HDLBP: variants seen among roughly 807,000 people sequenced by gnomAD.
HDLBP encodes the protein vigilin.
A neutral mutation model predicts 137.3 loss-of-function variants in HDLBP; 30 were observed. That is an observed-to-expected ratio of 0.22 (90% confidence interval 0.16 to 0.30). The LOEUF (loss-of-function observed/expected upper bound fraction) is 0.30. Ranked by LOEUF, HDLBP falls within the 10% of genes least tolerant of loss-of-function variation. HDLBP has a pLI of 1.00. For missense variants in HDLBP, 1,119 were observed against 1,667.3 expected, an observed-to-expected ratio of 0.67 and a Z score of 5.73; for synonymous variants, 606 against 596.0, an observed-to-expected ratio of 1.02 and a Z score of -0.24.
intron 22 of HDLBP, 45 bp from the exon 23 acceptor site, chr2:241,235,300 C>T (rs766367984): frequency 1.2e-6 from 2 of 1,613,486 alleles, no homozygotes; most frequent in South Asian, 2.2e-5. Context: ...CCCCAGAGAA[C>T]AGGAAAGAGT....
rs1196986399 is a variant in HDLBP at position 241,255,409 on chromosome 2, T to C, written c.1045A>G (p.Lys349Glu). The C allele has an allele frequency of 6.2e-7, 1 of 1,614,072 alleles. No homozygotes were observed. The highest frequency in any genetic ancestry group is 8.5e-7 in the Non-Finnish European group (1 of 1,180,042). The change falls in exon 8 of 28, where the codon AAG becomes GAG. Residue 349 changes from lysine to glutamate, a missense_variant. Lys to Glu is a moderately conservative substitution (Grantham distance 56). This residue lies in a region of HDLBP where 425 missense variants were observed against 693.9 expected (regional missense o/e 0.61). Transcript: ENST00000310931. ...ACTTCAGTCAACGCCTGACCTAACTTTTCAGGTTCGCCTCGAAGTATTACA... is the reference window on the plus strand; with the variant it reads ...ACTTCAGTCAACGCCTGACCTAACTCTTCAGGTTCGCCTCGAAGTATTACA... Reference protein sequence around the residue: ...ETVILRGEPEKLGQALTEVYA... With the variant: ...ETVILRGEPEELGQALTEVYA...
chr2:241,253,515 A>C lies in HDLBP; in HGVS notation c.1189-18T>G. Reference sequence around the variant, plus strand: ...ATGTGAACCTACCACACCAAAACCAAAGAGATAGCTAAAACAGAATGGCAC... The same window carrying C: ...ATGTGAACCTACCACACCAAAACCACAGAGATAGCTAAAACAGAATGGCAC... On this transcript the variant is annotated intron_variant, in intron 9 of 27. Coordinates refer to ENST00000310931, the MANE Select transcript of HDLBP (RefSeq NM_005336.6). 1.9e-6 allele frequency: 3 copies of C among 1,539,210 alleles called. No homozygotes were observed. The highest frequency in any genetic ancestry group is 2.7e-6 in the Non-Finnish European group (3 of 1,111,888).
chr2:241,276,314 G>C (rs2074384669), intron 1 of HDLBP, among the ~76,000 whole-genome samples: 1 of 152,154 alleles, frequency 6.6e-6, no homozygotes, highest in South Asian at 2.1e-4. Flanking sequence ...CAATGTTCTA[G>C]ATCTTGGATT....
At position 241,240,248 on chromosome 2, in the gene HDLBP, G is replaced by A; in HGVS notation, c.2170-126C>T. 1 of 883,078 alleles carries A rather than the reference G, an allele frequency of 1.1e-6. No individual in the cohort carries two copies. Among genetic ancestry groups the A allele is most frequent in the Non-Finnish European group, 1.9e-6 (1 of 532,412 alleles). The allele number at this position is 883,078 out of a possible 1,614,324, so 54.7% of individuals were successfully genotyped here. A position where few individuals can be genotyped will look rare whatever the true frequency, so the allele number is the denominator to read the frequency against. ...ACATTGTCACCAGTGTCCTGATGTT[G>A]CACCAATACCCCCAAAATGGGGCTA... On this transcript the variant is annotated intron_variant, in intron 17 of 27. Coordinates refer to ENST00000310931, the MANE Select transcript of HDLBP (RefSeq NM_005336.6). This position sits in a 1 kb window ranked among gnomAD's most constrained non-coding sequence, Gnocchi z 5.5.
chr2:241,284,721 G>A (rs2074740537), intron 1 of HDLBP, among the ~76,000 whole-genome samples: 2 of 152,196 alleles, frequency 1.3e-5, no homozygotes, highest in African/African-American at 2.4e-5. Flanking sequence ...AAACTTCATT[G>A]TTGTCTGATT....
At chr2:241,313,377 T>A (rs62186431) in intron 1 of HDLBP, among the ~76,000 whole-genome samples, 17,400 of 152,142 alleles carry the variant, frequency 0.11, 1,229 homozygotes, top group Admixed American at 0.16. Flanking sequence ...CCTCCTGGGT[T>A]CAAGCGATTC....
intron 1 of HDLBP, among the ~76,000 whole-genome samples, chr2:241,269,758 G>A (rs1022169843): frequency 2.6e-5 from 4 of 152,122 alleles, no homozygotes; most frequent in African/African-American, 9.7e-5. Flanking sequence ...TTCACAACTC[G>A]GCAAGAGCTC....
chr2:241,312,912 G>C (rs866027158), intron 1 of HDLBP, among the ~76,000 whole-genome samples: 2 of 152,098 alleles, frequency 1.3e-5, no homozygotes, highest in African/African-American at 4.8e-5. Flanking sequence ...CTCACTGAAG[G>C]GCATCAAGTC....
intron 11 of HDLBP, among the ~76,000 whole-genome samples, chr2:241,251,389 G>T (rs2072153489): frequency 6.6e-6 from 1 of 152,202 alleles, no homozygotes; most frequent in Non-Finnish European, 1.5e-5. Context: ...CACGTAAAAT[G>T]CCCACAAAAC....
At chr2:241,255,256 C>T in intron 8 of HDLBP, 98 bp from the exon 9 acceptor site, 1 of 1,433,798 alleles carries the variant, frequency 7.0e-7, no homozygotes, top group East Asian at 2.3e-5. Context: ...CACGCTCTCC[C>T]CAAACCTGGG....
At chr2:241,278,526 T>C (rs554796200) in intron 1 of HDLBP, among the ~76,000 whole-genome samples, 130 of 150,458 alleles carry the variant, frequency 8.6e-4, no homozygotes, top group Non-Finnish European at 1.6e-3. Context: ...GAGGTTGCAG[T>C]GAAACAAGAT....
Position 241,255,540 on chromosome 2 carries a change from G to A in HDLBP, c.914C>T (p.Ser305Phe), listed in dbSNP as rs768946845. 6.2e-7 allele frequency: 1 copy of A among 1,613,988 alleles called. No homozygotes were observed. Reference protein sequence around the residue: ...TTTIAVEVKKSQHKYVIGPKG... With the variant: ...TTTIAVEVKKFQHKYVIGPKG... ...GGGCCCAATGACATACTTGTGTTGG[G>A]ATTTCTTCACTTCCACTGCAATGGT... Residue 305 changes from serine to phenylalanine, a missense_variant, in exon 8 of 28, where the codon TCC becomes TTC. Physicochemically the swap from Ser to Phe is radical, Grantham distance 155. Transcript: ENST00000310931.
At chr2:241,280,158 T>C (rs975434298) in intron 1 of HDLBP, 1 of 978,256 alleles carries the variant, frequency 1.0e-6, no homozygotes, top group African/African-American at 1.8e-5. Context: ...GTGGTCAAAG[T>C]CAGGTCAAAG....
At chr2:241,235,760 G>C in intron 21 of HDLBP, 166 bp from the exon 22 acceptor site, 1 of 578,388 alleles carries the variant, frequency 1.7e-6, no homozygotes, top group Non-Finnish European at 3.1e-6. Context: ...GAAAAGAATA[G>C]GAAAAGATTT....
rs557351196 is a variant in HDLBP at position 241,300,565 on chromosome 2, G to A, written c.-103+15005C>T. On this transcript the variant is annotated intron_variant, in intron 1 of 27. Transcript: ENST00000310931. Reference sequence around the variant, plus strand: ...ATACTCTAAGAAGAAGAATCCTAATGCATGCCAAATAAGTTCTAAATATGC... The same window carrying A: ...ATACTCTAAGAAGAAGAATCCTAATACATGCCAAATAAGTTCTAAATATGC... 3.9e-5 allele frequency among the ~76,000 whole-genome samples: 6 copies of A among 152,286 alleles called. No homozygotes were observed. In the South Asian group the frequency reaches 1.0e-3, roughly 26 times the overall value.
chr2:241,304,568 G>T (rs920518880), intron 1 of HDLBP, among the ~76,000 whole-genome samples: 9 of 152,216 alleles, frequency 5.9e-5, no homozygotes, highest in African/African-American at 2.2e-4. Flanking sequence ...ACTTTGATTT[G>T]TTCACTGTTT....
At chr2:241,263,053 T>G in intron 4 of HDLBP, 127 bp from the exon 5 acceptor site, 2 of 708,520 alleles carry the variant, frequency 2.8e-6, no homozygotes, top group Non-Finnish European at 4.8e-6. Flanking sequence ...CAGGCACTGC[T>G]CGAAGCCCTG....
At chr2:241,250,056 G>A in intron 11 of HDLBP, 76 bp from the exon 12 acceptor site, 1 of 1,360,344 alleles carries the variant, frequency 7.4e-7, no homozygotes, top group South Asian at 1.4e-5. Context: ...GGGCAGGACA[G>A]CGCTAAAGCG....
At chr2:241,273,604 A>C (rs1024935454) in intron 1 of HDLBP, 1 of 985,250 alleles carries the variant, frequency 1.0e-6, no homozygotes, top group Non-Finnish European at 1.2e-6. Flanking sequence ...GGAGTCGAGC[A>C]ATCTGTAGAG....
Sources: allele counts gnomAD v4.1 joint callset (sites outside exome capture counted in the v4.1 genomes callset), GRCh38; gene constraint gnomAD v4.1.1; regional missense constraint gnomAD v4.1.1; non-coding constraint Gnocchi (gnomAD v3.1); transcripts MANE v1.5; gene names NCBI Gene and HGNC (gene_info 2026-07-23, HGNC 2026-07-21).